The following CEP76 variants were observed in gnomAD, a reference collection of about 807,000 sequenced individuals.
CEP76 encodes the protein centrosomal protein of 76 kDa.
A neutral mutation model predicts 83.3 loss-of-function variants in CEP76; 55 were observed. The observed-to-expected ratio is 0.66, with a 90% CI of 0.53 to 0.83. The LOEUF (loss-of-function observed/expected upper bound fraction) is 0.83, where lower values mean the gene tolerates loss of function less well. CEP76 is among the 40% of genes least tolerant of loss of function. The pLI is 0.00. For missense variants in CEP76, 694 were observed against 799.5 expected (o/e 0.87, Z 1.59); for synonymous variants, 270 against 274.5 (o/e 0.98, Z 0.16).
chr18:12,667,187 A>C (rs1034408235), intron 12 of CEP76, among the ~76,000 whole-genome samples: 1 of 152,232 alleles, frequency 6.6e-6, no homozygotes, highest in African/African-American at 2.4e-5. Flanking sequence ...TGGGCTGGGC[A>C]TGGTGGCTCA....
chr18:12,690,734 C>T (rs1003495121), intron 7 of CEP76, among the ~76,000 whole-genome samples: 10 of 152,124 alleles, frequency 6.6e-5, no homozygotes, highest in Admixed American at 2.6e-4. Flanking sequence ...GGATTACAGG[C>T]GTGAGCCACC....
Position 12,672,687 on chromosome 18 carries a change from T to A in CEP76, c.*678A>T. ...ATAACAAAGAGGTATAATAAAGTTT[T>A]TCTAAAATACCCAATTCATTTTTAC... On this transcript the variant is annotated 3_prime_UTR_variant, in exon 12 of 12. Transcript: ENST00000262127. 1.0e-6 allele frequency: 1 copy of A among 977,002 alleles called. No individual in the cohort carries two copies. The highest frequency in any genetic ancestry group is 1.2e-6 in the Non-Finnish European group (1 of 822,226). The allele number at this position is 977,002 out of a possible 1,614,324, so 60.5% of individuals were successfully genotyped here. A position where few individuals can be genotyped will look rare whatever the true frequency, so the allele number is the denominator to read the frequency against.
At chr18:12,687,472 T>C (rs1311377373) in intron 7 of CEP76, among the ~76,000 whole-genome samples, 1 of 151,638 alleles carries the variant, frequency 6.6e-6, no homozygotes, top group Non-Finnish European at 1.5e-5. Flanking sequence ...TTTTTTTTTT[T>C]TGAGACAGAG....
chr18:12,700,985 ATCG>A lies in CEP76; in HGVS notation c.189_191del (p.Asp64del). 1 of 1,612,352 alleles carries A rather than the reference ATCG, an allele frequency of 6.2e-7. No homozygotes were observed. The highest frequency in any genetic ancestry group is 8.5e-7 in the Non-Finnish European group (1 of 1,179,522). Reference sequence around the variant, plus strand: ...TAACAAAATTAAGTTCTTTCATCACATCGTCAATGATTCCTCGACGTCTAAGGG... The same window carrying A: ...TAACAAAATTAAGTTCTTTCATCACATCAATGATTCCTCGACGTCTAAGGG... On this transcript the variant is annotated inframe_deletion, in exon 2 of 12. Transcript: ENST00000262127.
At chr18:12,683,161 G>T (rs989352532) in intron 8 of CEP76, among the ~76,000 whole-genome samples, 1 of 105,758 alleles carries the variant, frequency 9.5e-6, no homozygotes, top group Non-Finnish European at 1.9e-5. Context: ...CCCTGGCCAA[G>T]AAACCCCATC....
At chr18:12,697,045 A>G (rs760379111) in intron 5 of CEP76, among the ~76,000 whole-genome samples, 178 bp downstream of exon 5, 11 of 152,194 alleles carry the variant, frequency 7.2e-5, no homozygotes, top group Non-Finnish European at 1.0e-4. Flanking sequence ...TGCTATACTG[A>G]TATTATTCTT....
chr18:12,697,175 T>A (rs1163825152), intron 5 of CEP76, 48 bp downstream of exon 5: 2 of 1,233,484 alleles, frequency 1.6e-6, no homozygotes, highest in Non-Finnish European at 2.3e-6. Flanking sequence ...TATTTACAAA[T>A]GAACTGTGGC....
rs544758342 is a variant in CEP76, at chr18:12,673,170, C to G, written c.*195G>C. On this transcript the variant is annotated 3_prime_UTR_variant, in exon 12 of 12. Transcript: ENST00000262127. ...ATACTAAATTCCAGGGAGATTTATA[C>G]AAGTTTTTCAGCCTTAATTTTTAAA... is the stretch of plus-strand genomic sequence containing the variant. The G allele has an allele frequency of 3.2e-6, 4 of 1,231,046 alleles. No homozygotes were observed. The highest frequency in any genetic ancestry group is 2.1e-6 in the Non-Finnish European group (2 of 975,494). The allele number at this position is 1,231,046 out of a possible 1,614,324, so 76.3% of individuals were successfully genotyped here. A position where few individuals can be genotyped will look rare whatever the true frequency, so the allele number is the denominator to read the frequency against.
chr18:12,666,377 C>A (rs957472701), intron 12 of CEP76, among the ~76,000 whole-genome samples: 9 of 150,058 alleles, frequency 6.0e-5, no homozygotes, highest in Non-Finnish European at 1.3e-4. Flanking sequence ...AATGGTCATT[C>A]TTCAACTGTG....
chr18:12,698,178 GTATT>G (rs1479261837), intron 4 of CEP76, among the ~76,000 whole-genome samples: 15 of 150,934 alleles, frequency 9.9e-5, no homozygotes, highest in East Asian at 9.6e-4. Flanking sequence ...TTATTTGTAA[GTATT>G]TATAAAAATT....
intron 2 of CEP76, 64 bp from the exon 3 acceptor site, chr18:12,699,969 A>C: frequency 9.1e-7 from 1 of 1,104,068 alleles, no homozygotes; most frequent in Non-Finnish European, 1.3e-6. Context: ...AGGAAATGTC[A>C]ATAAACATGA....
rs958040932 is a variant in CEP76 at position 12,673,014 on chromosome 18, A to C, written c.*351T>G. 1 of 1,007,290 alleles carries C rather than the reference A, an allele frequency of 9.9e-7. No homozygotes were observed. Among genetic ancestry groups the C allele is most frequent in the African/African-American group, 1.7e-5 (1 of 57,512 alleles). The allele number at this position is 1,007,290 out of a possible 1,614,324, so 62.4% of individuals were successfully genotyped here. ...ATCATACTGATTTGTCTAGGGCTCAAACCCTTAGACAAACATCTCTTTGAT... is the reference window on the plus strand; with the variant it reads ...ATCATACTGATTTGTCTAGGGCTCACACCCTTAGACAAACATCTCTTTGAT... On this transcript the variant is annotated 3_prime_UTR_variant, in exon 12 of 12. Transcript: ENST00000262127.
At chr18:12,667,298 A>G (rs1447325229) in intron 12 of CEP76, among the ~76,000 whole-genome samples, 1 of 152,142 alleles carries the variant, frequency 6.6e-6, no homozygotes, top group African/African-American at 2.4e-5. Flanking sequence ...CTACAAAAAA[A>G]TTTTAAAAGT....
downstream of CEP76, among the ~76,000 whole-genome samples, chr18:12,668,205 C>T (rs2038844172): frequency 6.6e-6 from 1 of 152,028 alleles, no homozygotes; most frequent in Admixed American, 6.6e-5. Flanking sequence ...GTGGAGGTTG[C>T]ATTGATCTGA....
At chr18:12,677,506 T>C (rs1395128762) in intron 10 of CEP76, among the ~76,000 whole-genome samples, 2 of 118,564 alleles carry the variant, frequency 1.7e-5, no homozygotes, top group Non-Finnish European at 3.6e-5. Context: ...TCAAAAGTAA[T>C]CAGGGAAATG....
At chr18:12,683,432 G>A (rs1289484073) in intron 8 of CEP76, among the ~76,000 whole-genome samples, 1 of 151,506 alleles carries the variant, frequency 6.6e-6, no homozygotes, top group Admixed American at 6.6e-5. Flanking sequence ...CCTACAATAG[G>A]GAAATAGTTA....
intron 12 of CEP76, among the ~76,000 whole-genome samples, chr18:12,662,897 G>A (rs144573026): frequency 8.5e-5 from 13 of 152,282 alleles, no homozygotes; most frequent in African/African-American, 2.9e-4. Flanking sequence ...CAATAATCAC[G>A]TTTCACCTAC....
intron 4 of CEP76, among the ~76,000 whole-genome samples, chr18:12,697,625 C>T (rs1181499530): frequency 1.3e-5 from 2 of 152,196 alleles, no homozygotes; most frequent in African/African-American, 4.8e-5. Flanking sequence ...GATGAGTTAT[C>T]CAGTAACTTA....
At chr18:12,695,852 C>CACA in intron 5 of CEP76, among the ~76,000 whole-genome samples, 1 of 148,390 alleles carries the variant, frequency 6.7e-6, no homozygotes, top group East Asian at 2.0e-4. Flanking sequence ...CATTCCTTCT[C>CACA]CACACACACA....
Sources: gnomAD v4.1 joint callset for allele counts (sites outside exome capture counted in the v4.1 genomes callset) on GRCh38, gnomAD v4.1.1 for gene constraint, MANE v1.5 for transcripts, NCBI Gene and HGNC (gene_info 2026-07-23, HGNC 2026-07-21) for gene names.